SGCD: variants seen among roughly 807,000 people sequenced by gnomAD.
SGCD encodes the protein sarcoglycan delta, also known as delta-sarcoglycan.
A neutral mutation model predicts 36.6 loss-of-function variants in SGCD; 18 were observed. The ratio of observed to expected loss-of-function variants is 0.49; its 90% CI spans 0.34 to 0.73. The LOEUF is 0.73. Among genes scored for constraint, SGCD ranks in the 30% least tolerant of loss-of-function variants. The pLI, the probability that SGCD is intolerant of heterozygous loss-of-function variation, is 0.01. For missense variants in SGCD, 387 were observed against 346.7 expected, an observed-to-expected ratio of 1.12 and a Z score of -0.92; for synonymous variants, 133 against 130.6, an observed-to-expected ratio of 1.02 and a Z score of -0.12.
intron 1 of SGCD, among the ~76,000 whole-genome samples, chr5:155,907,680 T>G (rs1465158573): frequency 6.6e-6 from 1 of 152,110 alleles, no homozygotes; most frequent in Non-Finnish European, 1.5e-5. Context: ...ATGCTAAAAC[T>G]TGAATAGATA....
At chr5:156,173,011 T>C (rs1174138194) in intron 3 of SGCD, among the ~76,000 whole-genome samples, 1 of 152,108 alleles carries the variant, frequency 6.6e-6, no homozygotes, top group African/African-American at 2.4e-5. Context: ...GAAAAATATA[T>C]TCTAATCATG....
intron 7 of SGCD, among the ~76,000 whole-genome samples, chr5:156,700,780 C>A (rs903904730): frequency 1.3e-5 from 2 of 151,734 alleles, no homozygotes; most frequent in Non-Finnish European, 2.9e-5. Flanking sequence ...TCCATCTCTA[C>A]AAAAAATAGA....
At chr5:156,026,500 T>C (rs1759228683) in intron 1 of SGCD, among the ~76,000 whole-genome samples, 3 of 152,198 alleles carry the variant, frequency 2.0e-5, no homozygotes, top group Non-Finnish European at 4.4e-5. Context: ...AATTTAAATT[T>C]ATTTCTGTGT....
chr5:155,746,433 A>G, the SGCD span, among the ~76,000 whole-genome samples: 10 of 152,108 alleles, frequency 6.6e-5, no homozygotes. Flanking sequence ...GGCTGACAGT[A>G]GCAGCCAGGG....
chr5:156,131,726 A>C (rs535320575), intron 3 of SGCD, among the ~76,000 whole-genome samples: 5 of 152,354 alleles, frequency 3.3e-5, no homozygotes, highest in African/African-American at 1.2e-4. Flanking sequence ...TACATAGGAA[A>C]TTGTGTTGAG....
chr5:155,900,418 GC>G (rs531351686), intron 1 of SGCD, among the ~76,000 whole-genome samples: 64 of 151,540 alleles, frequency 4.2e-4, no homozygotes, highest in African/African-American at 1.5e-3. Flanking sequence ...TTTGCAACTA[GC>G]TTTTTTTTAT....
chr5:155,810,919 G>A, the SGCD span, among the ~76,000 whole-genome samples: 2 of 118,720 alleles, frequency 1.7e-5, no homozygotes, highest in Non-Finnish European at 3.3e-5. Context: ...CCAGGTTCAC[G>A]CCATTCTCCT....
chr5:156,251,908 T>C (rs903074677), intron 3 of SGCD, among the ~76,000 whole-genome samples: 25 of 152,306 alleles, frequency 1.6e-4, no homozygotes, highest in African/African-American at 6.0e-4. Flanking sequence ...CTCATTAACC[T>C]TGGACCATAG....
intron 1 of SGCD, among the ~76,000 whole-genome samples, chr5:156,099,780 A>T (rs1292857974): frequency 2.0e-5 from 3 of 152,060 alleles, no homozygotes; most frequent in African/African-American, 7.2e-5. Flanking sequence ...AAAAACTTAC[A>T]AGTAATAAAT....
At chr5:156,318,968 C>T (rs926968549) in intron 3 of SGCD, among the ~76,000 whole-genome samples, 1 of 152,152 alleles carries the variant, frequency 6.6e-6, no homozygotes. Flanking sequence ...GTCTGATATG[C>T]TCATCAAGTA....
At chr5:156,585,322 T>C (rs1561796105) in intron 4 of SGCD, among the ~76,000 whole-genome samples, 1 of 152,204 alleles carries the variant, frequency 6.6e-6, no homozygotes, top group Non-Finnish European at 1.5e-5. Context: ...GCTATGCTTT[T>C]AAAAGGATCA....
chr5:156,628,514 ATACT>A (rs1762513098), intron 6 of SGCD, among the ~76,000 whole-genome samples: 1 of 152,234 alleles, frequency 6.6e-6, no homozygotes, highest in African/African-American at 2.4e-5. Context: ...AGTATAAATC[ATACT>A]TAGTTTATAA....
At chr5:155,849,437 T>TGCGCGC in the SGCD span, among the ~76,000 whole-genome samples, 1 of 141,922 alleles carries the variant, frequency 7.0e-6, no homozygotes, top group Non-Finnish European at 1.6e-5. Flanking sequence ...CACACACACA[T>TGCGCGC]GTGCGCGCGC....
At chr5:156,639,322 C>A (rs144937286) in intron 6 of SGCD, among the ~76,000 whole-genome samples, 22 of 152,304 alleles carry the variant, frequency 1.4e-4, no homozygotes, top group African/African-American at 4.6e-4. Flanking sequence ...TCACAGTCTT[C>A]ATGGAGAACC....
chr5:156,549,444 C>T (rs889175774), intron 4 of SGCD, among the ~76,000 whole-genome samples: 3 of 152,190 alleles, frequency 2.0e-5, no homozygotes, highest in African/African-American at 7.2e-5. Flanking sequence ...TTGTCAAGCA[C>T]CTGCTAGATG....
intron 3 of SGCD, among the ~76,000 whole-genome samples, chr5:156,491,701 C>G (rs935246066): frequency 6.6e-6 from 1 of 151,988 alleles, no homozygotes; most frequent in South Asian, 2.1e-4. Context: ...TAGAAGCACC[C>G]TACTTTAATT....
At chr5:156,574,448 T>A (rs967485828) in intron 4 of SGCD, among the ~76,000 whole-genome samples, 2 of 152,202 alleles carry the variant, frequency 1.3e-5, no homozygotes, top group African/African-American at 4.8e-5. Context: ...TGTACATTAT[T>A]ATCCCCATTT....
At position 155,946,817 on chromosome 5, in the gene SGCD, C is replaced by T. The variant is rs566616889; in HGVS notation, c.-282+76393C>T. On this transcript the variant is annotated intron_variant, in intron 1 of 9. Coordinates refer to the SGCD transcript ENST00000517913. ...ATGATTTTCCTCCTTTGGCCAGTAG[C>T]TCTGGGAAACCGAATGTAGCCATCA... Among the ~76,000 whole-genome samples, 3 of 152,286 alleles carry T rather than the reference C, an allele frequency of 2.0e-5. No individual in the cohort carries two copies. The East Asian group carries it at 5.8e-4, about 29-fold the overall frequency.
intron 3 of SGCD, among the ~76,000 whole-genome samples, chr5:156,248,318 G>A (rs532499605): frequency 6.6e-5 from 10 of 152,186 alleles, no homozygotes; most frequent in South Asian, 2.1e-4. Flanking sequence ...TCAAGAGATC[G>A]AGACCATCCT....
Sources: gnomAD v4.1 joint callset for allele counts (sites outside exome capture counted in the v4.1 genomes callset) on GRCh38, gnomAD v4.1.1 for gene constraint, MANE v1.5 for transcripts, NCBI Gene and HGNC (gene_info 2026-07-23, HGNC 2026-07-21) for gene names.